ZBED6: variants seen among roughly 807,000 people sequenced by gnomAD.
The protein encoded by ZBED6 is zinc finger BED-type containing 6.
Under a neutral mutation model 58.4 loss-of-function variants are expected in ZBED6, and 40 were observed. That is an observed-to-expected ratio of 0.68 (90% CI 0.53 to 0.89). The LOEUF is 0.89. Among genes scored for constraint, ZBED6 ranks in the 40% least tolerant of loss-of-function variants. The pLI, the probability that ZBED6 is intolerant of heterozygous loss-of-function variation, is 0.00. For missense variants in ZBED6, 1,057 were observed against 1,003.9 expected (o/e 1.05, Z -0.71); for synonymous variants, 439 against 350.6 (o/e 1.25, Z -2.82).
chr1:203,805,839 GATTTC>G (rs1438610523), intron 1 of ZBED6: 1 of 905,702 alleles, frequency 1.1e-6, no homozygotes, highest in African/African-American at 1.7e-5. Context: ...GTGCTTCTTG[GATTTC>G]ATTTGCATCT....
In ZBED6 at chr1:203,804,444, G is replaced by A. The variant is rs142782286; in HGVS notation, c.*2554+1428G>A. On this transcript the variant is annotated intron_variant, in intron 1 of 16. Coordinates refer to ENST00000550078, the Ensembl canonical transcript of ZBED6. The stretch of plus-strand genomic sequence containing the variant: ...TAGGATTACAAGCATGAGCCACCAC[G>A]CCCGGCCCTTCCTGTATATCTTTTT... Among the ~76,000 whole-genome samples, 279 of 152,072 alleles carry A rather than the reference G, an allele frequency of 1.8e-3. 7 individuals carry two copies. The East Asian group carries it at 0.043, about 23-fold the overall frequency.
intron 3 of ZBED6, among the ~76,000 whole-genome samples, chr1:203,826,584 C>T (rs1358083677): frequency 2.0e-5 from 3 of 152,098 alleles, no homozygotes; most frequent in African/African-American, 7.2e-5. Context: ...TTTTATCACT[C>T]TCTCAATATA....
At chr1:203,837,822 A>C in intron 9 of ZBED6, 144 bp from the exon 10 acceptor site, 1 of 734,790 alleles carries the variant, frequency 1.4e-6, no homozygotes, top group Non-Finnish European at 2.2e-6. Flanking sequence ...CTAACATTGA[A>C]CTCTAAGGAA....
chr1:203,826,808 T>C (rs961841724), intron 3 of ZBED6, among the ~76,000 whole-genome samples: 3 of 152,162 alleles, frequency 2.0e-5, no homozygotes, highest in African/African-American at 4.8e-5. Flanking sequence ...ATATCTTTTT[T>C]CCCCCTTTTT....
exon 12 of ZBED6, chr1:203,847,584 G>T: frequency 6.2e-7 from 1 of 1,613,698 alleles, no homozygotes; most frequent in Non-Finnish European, 8.5e-7. Flanking sequence ...AACTGGAGAA[G>T]GCACTGAGGG....
intron 11 of ZBED6, 127 bp from the exon 12 acceptor site, chr1:203,847,057 A>T: frequency 1.0e-6 from 1 of 1,002,016 alleles, no homozygotes; most frequent in East Asian, 2.4e-5. Flanking sequence ...TACCCTTTTG[A>T]TCCTTTTAAT....
chr1:203,847,791 A>G, intron 12 of ZBED6, 104 bp downstream of exon 12: 1 of 1,487,480 alleles, frequency 6.7e-7, no homozygotes, highest in Non-Finnish European at 9.0e-7. Flanking sequence ...TTCTTTACTC[A>G]GATAACGTTG....
At chr1:203,814,684 A>G (rs1037300328) in intron 1 of ZBED6, among the ~76,000 whole-genome samples, 1 of 152,150 alleles carries the variant, frequency 6.6e-6, no homozygotes, top group African/African-American at 2.4e-5. Flanking sequence ...AAAGTCTTCC[A>G]GCCTCCACCT....
intron 1 of ZBED6, among the ~76,000 whole-genome samples, chr1:203,804,127 T>G (rs1169372197): frequency 6.6e-6 from 1 of 151,484 alleles, no homozygotes; most frequent in Non-Finnish European, 1.5e-5. Flanking sequence ...TCTTGCATAC[T>G]TCTTCATTTT....
chr1:203,811,822 C>CTT (rs766087522), intron 1 of ZBED6, among the ~76,000 whole-genome samples: 3 of 133,446 alleles, frequency 2.2e-5, no homozygotes, highest in Admixed American at 7.5e-5. Context: ...TTGTCTTTTT[C>CTT]TTTTTTTTTT....
intron 1 of ZBED6, among the ~76,000 whole-genome samples, chr1:203,810,723 C>G (rs1407858295): frequency 6.6e-6 from 1 of 152,054 alleles, no homozygotes; most frequent in East Asian, 1.9e-4. Flanking sequence ...CCGGCCAGCT[C>G]TTAGATCTGA....
intron 11 of ZBED6, 47 bp downstream of exon 11, chr1:203,840,421 T>C: frequency 6.4e-7 from 1 of 1,568,152 alleles, no homozygotes; most frequent in Non-Finnish European, 8.7e-7. Context: ...TTCTTTGCTG[T>C]AAGAGCCTTT....
intron 12 of ZBED6, 115 bp downstream of exon 12, chr1:203,847,802 A>G: frequency 4.2e-6 from 6 of 1,435,538 alleles, no homozygotes; most frequent in Non-Finnish European, 3.7e-6. Context: ...GATAACGTTG[A>G]AAACACTGAA....
intron 1 of ZBED6, among the ~76,000 whole-genome samples, chr1:203,812,174 G>A (rs1674703572): frequency 6.6e-6 from 1 of 152,070 alleles, no homozygotes; most frequent in African/African-American, 2.4e-5. Context: ...TTGTTACACA[G>A]GTAAATGTGT....
chr1:203,797,373 C>A, exon 1 of ZBED6: 1 of 690,638 alleles, frequency 1.4e-6, no homozygotes, highest in Non-Finnish European at 2.2e-6. Flanking sequence ...CCAAAAATAA[C>A]CTGGCTTGGA....
At chr1:203,804,152 G>GTTT (rs74546279) in intron 1 of ZBED6, among the ~76,000 whole-genome samples, 3 of 105,154 alleles carry the variant, frequency 2.9e-5, no homozygotes, top group Non-Finnish European at 4.2e-5. Flanking sequence ...CTGTATATGT[G>GTTT]TTTTTTTTTT....
chr1:203,798,693 C>G, exon 1 of ZBED6: 1 of 1,536,128 alleles, frequency 6.5e-7, no homozygotes, highest in African/African-American at 1.4e-5. Flanking sequence ...GCAAGGCACT[C>G]TGATGCGTGC....
exon 15 of ZBED6, chr1:203,850,631 C>G (rs146441359): frequency 1.2e-6 from 2 of 1,614,040 alleles, no homozygotes; most frequent in African/African-American, 2.7e-5. Context: ...TGTGAAGCCA[C>G]TCAGCTCCAG....
At chr1:203,838,422 T>G (rs1031631041) in intron 10 of ZBED6, among the ~76,000 whole-genome samples, 8 of 152,202 alleles carry the variant, frequency 5.3e-5, no homozygotes, top group Non-Finnish European at 1.0e-4. Flanking sequence ...ATGTTAAAGT[T>G]TAGACCTAAG....
Sources: gnomAD v4.1 joint callset for allele counts (sites outside exome capture counted in the v4.1 genomes callset) on GRCh38, gnomAD v4.1.1 for gene constraint, MANE v1.5 for transcripts, NCBI Gene and HGNC (gene_info 2026-07-23, HGNC 2026-07-21) for gene names.